Variants in LANCL2 observed in about 807,000 individuals in gnomAD.
LANCL2 encodes lanC-like protein 2.
A neutral mutation model predicts 56.9 loss-of-function variants in LANCL2; 33 were observed. The ratio of observed to expected loss-of-function variants is 0.58; its 90% confidence interval spans 0.44 to 0.78. LANCL2 has a LOEUF of 0.78. Among genes scored for constraint, LANCL2 ranks in the 30% least tolerant of loss-of-function variants. The pLI, the probability that LANCL2 is intolerant of heterozygous loss-of-function variation, is 0.00. For missense variants in LANCL2, 562 were observed against 580.2 expected (o/e 0.97, Z 0.32); for synonymous variants, 233 against 228.2 (o/e 1.02, Z -0.19).
chr7:55,405,584 G>A (rs1311109949), intron 5 of LANCL2, among the ~76,000 whole-genome samples: 1 of 149,100 alleles, frequency 6.7e-6, no homozygotes, highest in Non-Finnish European at 1.5e-5. Context: ...TCCATCTCCC[G>A]GGTTTAAGTG....
rs750476655 is a variant in LANCL2, at chr7:55,431,266, A to C, written c.1299A>C (p.Gly433=). The C allele has an allele frequency of 2.5e-6, 4 of 1,613,734 alleles. No individual in the cohort carries two copies. The highest frequency in any genetic ancestry group is 3.4e-6 in the Non-Finnish European group (4 of 1,179,914). ...GAIHFLSDVL[G]PETSRFPAFE... is the part of the protein sequence containing the mutation. ...TTCACTTTCTCTCTGATGTCCTGGG[A>C]CCAGAGACATCACGGTTTCCAGCAT... is the stretch of plus-strand genomic sequence containing the variant. Residue 433 remains glycine (G), a synonymous_variant, in exon 9 of 9, where the codon GGA becomes GGC. Transcript: ENST00000254770.
intron 1 of LANCL2, among the ~76,000 whole-genome samples, chr7:55,380,752 C>T (rs1038432004): frequency 1.3e-5 from 2 of 150,096 alleles, no homozygotes; most frequent in African/African-American, 4.9e-5. Context: ...GAGCGTGTTA[C>T]AGTGCGTGAT....
intron 1 of LANCL2, among the ~76,000 whole-genome samples, chr7:55,389,758 G>A (rs1318120831): frequency 6.6e-6 from 1 of 152,212 alleles, no homozygotes; most frequent in East Asian, 1.9e-4. Flanking sequence ...AAGAAGGAAA[G>A]TAAATTGTCT....
intron 8 of LANCL2, 57 bp downstream of exon 8, chr7:55,428,504 C>G: frequency 7.3e-7 from 1 of 1,368,380 alleles, no homozygotes; most frequent in Non-Finnish European, 1.0e-6. Context: ...GTTCTCCTGC[C>G]CTTGTGGACT....
At chr7:55,420,100 C>A (rs1433959954) in intron 6 of LANCL2, among the ~76,000 whole-genome samples, 11 of 106,768 alleles carry the variant, frequency 1.0e-4, no homozygotes, top group East Asian at 2.2e-4. Flanking sequence ...AATAAAATTT[C>A]TTTCTATGGA....
chr7:55,402,124 A>T, intron 5 of LANCL2, among the ~76,000 whole-genome samples: 1 of 145,748 alleles, frequency 6.9e-6, no homozygotes, highest in Non-Finnish European at 1.5e-5. Flanking sequence ...GCGGCCGGGC[A>T]GAGGCGCCCC....
At chr7:55,395,630 A>G (rs1790241639) in intron 2 of LANCL2, among the ~76,000 whole-genome samples, 1 of 152,186 alleles carries the variant, frequency 6.6e-6, no homozygotes, top group Non-Finnish European at 1.5e-5. Flanking sequence ...AGAGAAAGAA[A>G]GATAAAGAGA....
intron 4 of LANCL2, 143 bp downstream of exon 4, chr7:55,400,247 C>T (rs1790305733): frequency 3.3e-6 from 2 of 606,834 alleles, no homozygotes; most frequent in Non-Finnish European, 5.1e-6. Context: ...ATAGTCCCTG[C>T]TTTTTTCTAG....
chr7:55,398,683 C>G (rs762520867), intron 3 of LANCL2, 53 bp downstream of exon 3: 1 of 1,320,998 alleles, frequency 7.6e-7, no homozygotes, highest in Non-Finnish European at 1.1e-6. Context: ...GAAGCTCTTG[C>G]TGTAGAAAGA....
chr7:55,402,788 C>T (rs1314412263), intron 5 of LANCL2, among the ~76,000 whole-genome samples: 1 of 125,774 alleles, frequency 8.0e-6, no homozygotes, highest in East Asian at 2.1e-4. Context: ...CGGAGGGTCT[C>T]CTCACTTCTC....
intron 6 of LANCL2, among the ~76,000 whole-genome samples, chr7:55,414,085 A>G (rs1365965675): frequency 6.6e-6 from 1 of 152,248 alleles, no homozygotes; most frequent in African/African-American, 2.4e-5. Context: ...AAAAATTTAA[A>G]AAGGAAAAAG....
At chr7:55,396,993 T>C (rs1342001333) in intron 2 of LANCL2, 1 of 152,242 alleles carries the variant, frequency 6.6e-6, no homozygotes, top group African/African-American at 2.4e-5. Context: ...TGAAGAATTT[T>C]TTTTTCAGAG....
chr7:55,422,848 T>A (rs1186803580), intron 6 of LANCL2, among the ~76,000 whole-genome samples: 1 of 152,238 alleles, frequency 6.6e-6, no homozygotes, highest in Non-Finnish European at 1.5e-5. Flanking sequence ...ATATTTCTAG[T>A]AACTGCCTAA....
chr7:55,407,258 G>A (rs1434635597), intron 5 of LANCL2, among the ~76,000 whole-genome samples: 3 of 152,276 alleles, frequency 2.0e-5, no homozygotes, highest in African/African-American at 7.2e-5. Flanking sequence ...AATAGGGGGC[G>A]AGAGTGAGTG....
intron 5 of LANCL2, 31 bp downstream of exon 5, chr7:55,401,351 A>G (rs768426127): frequency 1.9e-6 from 3 of 1,570,590 alleles, no homozygotes; most frequent in South Asian, 1.1e-5. Flanking sequence ...ACACTACAGT[A>G]TATTTGATCA....
chr7:55,384,093 T>C (rs1374673092), intron 1 of LANCL2, among the ~76,000 whole-genome samples: 2 of 148,598 alleles, frequency 1.3e-5, no homozygotes, highest in African/African-American at 5.0e-5. Flanking sequence ...AAAAAAAAAA[T>C]GAAGGGAAAA....
At chr7:55,397,873 G>C (rs535777243) in intron 2 of LANCL2, among the ~76,000 whole-genome samples, 64 of 151,998 alleles carry the variant, frequency 4.2e-4, no homozygotes, top group African/African-American at 1.5e-3. Flanking sequence ...CTGTGTGGCT[G>C]CTCCAGAAAT....
Position 55,411,775 on chromosome 7 carries a change from A to G in LANCL2, c.826-132A>G, listed in dbSNP as rs1019097602. The G allele has an allele frequency of 4.7e-5, 41 of 864,428 alleles. No homozygotes were observed. In the African/African-American group the frequency reaches 5.8e-4, roughly 12 times the overall value. The allele number at this position is 864,428 out of a possible 1,614,324, so 53.5% of individuals were successfully genotyped here. Reference sequence around the variant, plus strand: ...TTTTGCCTAAGTCTTAAATAACCAGATAGTTGAATGAATTCTAATTTTATG... The same window carrying G: ...TTTTGCCTAAGTCTTAAATAACCAGGTAGTTGAATGAATTCTAATTTTATG... On this transcript the variant is annotated intron_variant, in intron 5 of 8. Transcript: ENST00000254770.
In LANCL2 at chr7:55,433,089, C is replaced by T. The variant is rs1484022161; in HGVS notation, c.*1769C>T. On this transcript the variant is annotated 3_prime_UTR_variant, in exon 9 of 9. Coordinates refer to ENST00000254770, the MANE Select transcript of LANCL2 (RefSeq NM_018697.4). ...ACAGCACTCAGTAGAGGTCCTGCCT[C>T]CCCATTTCTCAAGGGAAGCCAGTAG... 1.3e-5 allele frequency: 2 copies of T among 152,406 alleles called. No individual in the cohort carries two copies. The highest frequency in any genetic ancestry group is 2.9e-5 in the Non-Finnish European group (2 of 68,114). 9.4% of individuals were successfully genotyped at this position (152,406 alleles called of 1,614,324 possible). A position where few individuals can be genotyped will look rare whatever the true frequency, so the allele number is the denominator to read the frequency against.
Sources: allele counts gnomAD v4.1 joint callset (sites outside exome capture counted in the v4.1 genomes callset), GRCh38; gene constraint gnomAD v4.1.1; transcripts MANE v1.5; gene names NCBI Gene and HGNC (gene_info 2026-07-23, HGNC 2026-07-21).